BEGAIN: variants seen among roughly 807,000 people sequenced by gnomAD.
The protein encoded by BEGAIN is brain enriched guanylate kinase associated.
In BEGAIN, 19 loss-of-function variants were observed where a neutral mutation model predicts 35.8. The observed-to-expected ratio is 0.53, with a 90% confidence interval of 0.37 to 0.78. BEGAIN has a LOEUF of 0.78. Among genes scored for constraint, BEGAIN ranks in the 30% least tolerant of loss-of-function variants. BEGAIN has a pLI of 0.00. For synonymous variants in BEGAIN, 462 were observed against 388.6 expected (o/e 1.19, Z -2.22); for missense variants, 795 against 853.6 (o/e 0.93, Z 0.85).
At chr14:100,545,461 A>G (rs769858360) in intron 3 of BEGAIN, 3 of 1,024,850 alleles carry the variant, frequency 2.9e-6, no homozygotes, top group Non-Finnish European at 3.5e-6. Context: ...GAAGAAACTT[A>G]ACACTAACTA....
rs2035118976 is a variant in BEGAIN at position 100,573,036 on chromosome 14, A to T, written c.43-5097T>A. On this transcript the variant is annotated intron_variant, in intron 1 of 6. Transcript: ENST00000554140. The surrounding 1 kb of genome is among the most constrained non-coding windows in gnomAD (Gnocchi z 4.2). ...CCACCCCTCCCACCCTGTATGTCCGACGGGGATATGTGTACAGAGAAGGAT... is the reference window on the plus strand; with the variant it reads ...CCACCCCTCCCACCCTGTATGTCCGTCGGGGATATGTGTACAGAGAAGGAT... Among the ~76,000 whole-genome samples the T allele has an allele frequency of 1.3e-5, 2 of 151,816 alleles. No individual in the cohort carries two copies. Among genetic ancestry groups the T allele is most frequent in the African/African-American group, 4.8e-5 (2 of 41,298 alleles).
In BEGAIN at chr14:100,546,766, GC is replaced by G. The variant is rs1451367449; in HGVS notation, c.72-105del. The G allele has an allele frequency of 3.8e-3, 2,118 of 560,444 alleles. 72 individuals are homozygous for G. The African/African-American group carries it at 0.11, about 28-fold the overall frequency. 34.7% of individuals were successfully genotyped at this position (560,444 alleles called of 1,614,324 possible). On this transcript the variant is annotated intron_variant, in intron 2 of 6. Transcript: ENST00000554140. ...GCCGCACTAACACGCGAGTACCGGC[GC>G]GCGCGCGCGCGCGCACACACACACA...
chr14:100,544,598 A>G (rs964188694), intron 4 of BEGAIN, among the ~76,000 whole-genome samples: 1 of 152,160 alleles, frequency 6.6e-6, no homozygotes, highest in Non-Finnish European at 1.5e-5. Context: ...GAGGGTCCCC[A>G]CAGAGGGGTC....
chr14:100,581,343 A>T (rs1443040437), intron 1 of BEGAIN, among the ~76,000 whole-genome samples: 1 of 152,158 alleles, frequency 6.6e-6, no homozygotes, highest in Non-Finnish European at 1.5e-5. Flanking sequence ...TTGTCATAAC[A>T]ACCTGCTGGC....
chr14:100,559,406 G>T (rs1263894241), intron 2 of BEGAIN, among the ~76,000 whole-genome samples: 1 of 152,230 alleles, frequency 6.6e-6, no homozygotes, highest in Non-Finnish European at 1.5e-5. Context: ...CTGGCAGACA[G>T]ATGGCCATGG....
intron 1 of BEGAIN, among the ~76,000 whole-genome samples, chr14:100,579,963 G>A (rs74983061): frequency 0.021 from 3,208 of 152,258 alleles, 113 homozygotes; most frequent in African/African-American, 0.072. Context: ...GAGTCGATGC[G>A]GATCCAGCCC....
chr14:100,568,514 G>C lies in BEGAIN; in HGVS notation c.43-575C>G, dbSNP rs903127497. 2 of 1,287,082 alleles carry C rather than the reference G, an allele frequency of 1.6e-6. No homozygotes were observed. Among genetic ancestry groups the C allele is most frequent in the African/African-American group, 3.0e-5 (2 of 65,792 alleles). 79.7% of individuals were successfully genotyped at this position (1,287,082 alleles called of 1,614,324 possible). A position where few individuals can be genotyped will look rare whatever the true frequency, so the allele number is the denominator to read the frequency against. ...GGGACCCGCTGCCCTCAGATTCTGG[G>C]GTTTTGGGCCTGGCTTGCCCCTCCC... On this transcript the variant is annotated intron_variant, in intron 1 of 6. Coordinates refer to ENST00000554140, the MANE Select transcript of BEGAIN (RefSeq NM_001385089.1). The surrounding 1 kb of genome is among the most constrained non-coding windows in gnomAD (Gnocchi z 7.5).
chr14:100,539,736 G>A (rs957365399), intron 6 of BEGAIN, among the ~76,000 whole-genome samples: 4 of 152,174 alleles, frequency 2.6e-5, no homozygotes, highest in Non-Finnish European at 4.4e-5. Flanking sequence ...GGTTCTACTG[G>A]GGGCATGACC....
In BEGAIN at chr14:100,539,165, A is replaced by G. The variant is rs2031155578; in HGVS notation, c.643T>C (p.Ser215Pro). Reference sequence around the variant, plus strand: ...GCGGAGGCATCGGACAGGCGGGAGGACAGGCTGGCGGGGTCCGGCTTCTCC... The same window carrying G: ...GCGGAGGCATCGGACAGGCGGGAGGGCAGGCTGGCGGGGTCCGGCTTCTCC... ...VLEKPDPASL[S>P]SRLSDASARD... The change falls in exon 7 of 7, where the codon TCC (serine) becomes CCC (proline). Residue 215 changes from serine to proline, a missense_variant. This residue lies in a region of BEGAIN where 664 missense variants were observed against 647.7 expected (regional missense o/e 1.03). Transcript: ENST00000554140. 4 of 1,592,594 alleles carry G rather than the reference A, an allele frequency of 2.5e-6. No homozygotes were observed. The highest frequency in any genetic ancestry group is 3.4e-5 in the Admixed American group (2 of 58,420).
At chr14:100,571,333 T>C (rs937926420) in intron 1 of BEGAIN, among the ~76,000 whole-genome samples, 1 of 152,148 alleles carries the variant, frequency 6.6e-6, no homozygotes, top group Non-Finnish European at 1.5e-5. Context: ...CTGCATGGGC[T>C]GAGGCCTGTG....
rs553906035 is a variant in BEGAIN, at chr14:100,568,073, G to T, written c.43-134C>A. 3 of 1,085,366 alleles carry T rather than the reference G, an allele frequency of 2.8e-6. No homozygotes were observed. Among genetic ancestry groups the T allele is most frequent in the Non-Finnish European group, 3.4e-6 (3 of 895,510 alleles). 67.2% of individuals were successfully genotyped at this position (1,085,366 alleles called of 1,614,324 possible). On this transcript the variant is annotated intron_variant, in intron 1 of 6. Coordinates refer to ENST00000554140, the MANE Select transcript of BEGAIN (RefSeq NM_001385089.1). This position sits in a 1 kb window ranked among gnomAD's most constrained non-coding sequence, Gnocchi z 7.5. ...GTCCGTGGGAAGCCCGGCGCCGCGC[G>T]TCCCCAGCTTCCAGTCCCGGCCGCG...
chr14:100,580,734 T>C (rs945097668), intron 1 of BEGAIN, among the ~76,000 whole-genome samples: 1 of 152,182 alleles, frequency 6.6e-6, no homozygotes, highest in Non-Finnish European at 1.5e-5. Context: ...CCCCGTAGAA[T>C]GTAACTTCCA....
In BEGAIN at chr14:100,568,043, GC is replaced by G; in HGVS notation, c.43-105del. ...GGGCACGGCCGGGCAACCCCGCGGG[GC>G]CCCGTCCGTGGGAAGCCCGGCGCCG... On this transcript the variant is annotated intron_variant, in intron 1 of 6. Transcript: ENST00000554140. This position sits in a 1 kb window ranked among gnomAD's most constrained non-coding sequence, Gnocchi z 7.5. 8.7e-7 allele frequency: 1 copy of G among 1,146,954 alleles called. No individual in the cohort carries two copies. The highest frequency in any genetic ancestry group is 1.1e-6 in the Non-Finnish European group (1 of 931,064). 71.0% of individuals were successfully genotyped at this position (1,146,954 alleles called of 1,614,324 possible). A position where few individuals can be genotyped will look rare whatever the true frequency, so the allele number is the denominator to read the frequency against.
intron 1 of BEGAIN, among the ~76,000 whole-genome samples, chr14:100,574,671 G>A (rs570986537): frequency 6.6e-6 from 1 of 152,308 alleles, no homozygotes. Flanking sequence ...AGCGGGGCTG[G>A]GAAGCAGCTG....
chr14:100,561,366 G>A (rs939053680), intron 2 of BEGAIN, among the ~76,000 whole-genome samples: 2 of 152,176 alleles, frequency 1.3e-5, no homozygotes, highest in African/African-American at 4.8e-5. Context: ...TGACCCCAGC[G>A]TGCACTGAGT....
At chr14:100,574,556 A>G (rs554168280) in intron 1 of BEGAIN, among the ~76,000 whole-genome samples, 313 of 146,700 alleles carry the variant, frequency 2.1e-3, no homozygotes, top group Non-Finnish European at 3.4e-3. Flanking sequence ...TTGAGCCAAC[A>G]TTTAAAAATT....
At position 100,567,842 on chromosome 14, in the gene BEGAIN, C is replaced by G; in HGVS notation, c.71+69G>C. On this transcript the variant is annotated intron_variant, in intron 2 of 6. Coordinates refer to ENST00000554140, the MANE Select transcript of BEGAIN (RefSeq NM_001385089.1). The surrounding 1 kb of genome is among the most constrained non-coding windows in gnomAD (Gnocchi z 5.1). Reference sequence around the variant, plus strand: ...GCGCTCGGGTGGAGCCCCCTTCCCCCGCCTTCCCCAGCGCCCTCACCCCCG... The same window carrying G: ...GCGCTCGGGTGGAGCCCCCTTCCCCGGCCTTCCCCAGCGCCCTCACCCCCG... 2 of 1,424,832 alleles carry G rather than the reference C, an allele frequency of 1.4e-6. No individual in the cohort carries two copies. The highest frequency in any genetic ancestry group is 1.9e-6 in the Non-Finnish European group (2 of 1,072,040). 88.3% of individuals were successfully genotyped at this position (1,424,832 alleles called of 1,614,324 possible).
At position 100,573,274 on chromosome 14, in the gene BEGAIN, G is replaced by A. The variant is rs1338885993; in HGVS notation, c.43-5335C>T. On this transcript the variant is annotated intron_variant, in intron 1 of 6. Coordinates refer to ENST00000554140, the MANE Select transcript of BEGAIN (RefSeq NM_001385089.1). This position sits in a 1 kb window ranked among gnomAD's most constrained non-coding sequence, Gnocchi z 4.2. ...GGTGAGTCTGGGGGGAGGGGCTTCC[G>A]GAGGACGGGGCGGGTGAGTCCCGAA... 7.5e-6 allele frequency among the ~76,000 whole-genome samples: 1 copy of A among 134,098 alleles called. No individual in the cohort carries two copies. Among genetic ancestry groups the A allele is most frequent in the Non-Finnish European group, 1.5e-5 (1 of 64,554 alleles). 88.0% of individuals were successfully genotyped at this position (134,098 alleles called of 152,430 possible). A position where few individuals can be genotyped will look rare whatever the true frequency, so the allele number is the denominator to read the frequency against.
At chr14:100,564,795 C>T (rs559838852) in intron 2 of BEGAIN, among the ~76,000 whole-genome samples, 15 of 152,220 alleles carry the variant, frequency 9.9e-5, no homozygotes, top group African/African-American at 3.6e-4. Flanking sequence ...CTGGGGTGCC[C>T]ATCTGGGGCC....
Sources: allele counts gnomAD v4.1 joint callset (sites outside exome capture counted in the v4.1 genomes callset), GRCh38; gene constraint gnomAD v4.1.1; regional missense constraint gnomAD v4.1.1; non-coding constraint Gnocchi (gnomAD v3.1); transcripts MANE v1.5; gene names NCBI Gene and HGNC (gene_info 2026-07-23, HGNC 2026-07-21).